Variants in NIFK observed in about 807,000 individuals in gnomAD.
NIFK encodes the protein MKI67 FHA domain-interacting nucleolar phosphoprotein.
NIFK carries 16 observed loss-of-function variants against 31.7 expected under a neutral mutation model. That is an observed-to-expected ratio of 0.50 (90% CI 0.34 to 0.77). NIFK has a LOEUF of 0.77. NIFK is among the 30% of genes least tolerant of loss of function. The pLI, the probability that NIFK is intolerant of heterozygous loss-of-function variation, is 0.01. For missense variants in NIFK, 341 were observed against 350.4 expected (o/e 0.97, Z 0.21); for synonymous variants, 126 against 123.0 (o/e 1.02, Z -0.16).
intron 2 of NIFK, among the ~76,000 whole-genome samples, chr2:121,732,852 G>A (rs1048106958): frequency 4.6e-5 from 7 of 152,010 alleles, no homozygotes; most frequent in Non-Finnish European, 7.4e-5. Context: ...GGAGGCCAAG[G>A]AGGGTGGATC....
At chr2:121,731,843 A>G (rs967665283) in intron 3 of NIFK, among the ~76,000 whole-genome samples, 1 of 152,218 alleles carries the variant, frequency 6.6e-6, no homozygotes, top group Non-Finnish European at 1.5e-5. Context: ...AGGATGGGTT[A>G]GCTGCTCCTC....
At chr2:121,734,177 T>C (rs1227787508) in intron 2 of NIFK, among the ~76,000 whole-genome samples, 2 of 151,794 alleles carry the variant, frequency 1.3e-5, no homozygotes, top group Non-Finnish European at 1.5e-5. Flanking sequence ...GTACCTGTAA[T>C]CCCAGCCACT....
intron 4 of NIFK, among the ~76,000 whole-genome samples, chr2:121,728,925 A>G (rs983711450): frequency 1.3e-5 from 2 of 152,212 alleles, no homozygotes; most frequent in Admixed American, 6.5e-5. Context: ...CAAATGGTTC[A>G]CAAGAGTACC....
chr2:121,730,997 T>C lies in NIFK; in HGVS notation c.460A>G (p.Thr154Ala). ...PSVKRYNRNR[T>A]LTQKLRMEER... ...TCCATCCGTAGCTTTTGTGTTAGTG[T>C]CCGATTCCGATTATACCGTTTCACT... is the stretch of plus-strand genomic sequence containing the variant. Residue 154 changes from threonine (T) to alanine (A), a missense_variant, in exon 4 of 7, where the codon ACA becomes GCA. Transcript: ENST00000285814. The C allele has an allele frequency of 6.2e-7, 1 of 1,612,410 alleles. No individual in the cohort carries two copies. Among genetic ancestry groups the C allele is most frequent in the Non-Finnish European group, 8.5e-7 (1 of 1,178,592 alleles).
chr2:121,734,805 A>C (rs1423446369), intron 2 of NIFK, among the ~76,000 whole-genome samples: 2 of 152,148 alleles, frequency 1.3e-5, no homozygotes, highest in African/African-American at 2.4e-5. Context: ...AAAAAAAGAA[A>C]ACTGAATTTG....
Position 121,736,863 on chromosome 2 carries a change from C to CT in NIFK, c.-14_-13insA, listed in dbSNP as rs1454921162. On this transcript the variant is annotated 5_prime_UTR_variant, in exon 1 of 7. Coordinates refer to ENST00000285814, the MANE Select transcript of NIFK (RefSeq NM_032390.5). ...AAAAAGTCGCCATGCCAAAAGCCGC[C>CT]GACGCTAACCACGCGGCGCTCCCGG... The CT allele has an allele frequency of 6.2e-7, 1 of 1,608,810 alleles. No homozygotes were observed. The highest frequency in any genetic ancestry group is 8.5e-7 in the Non-Finnish European group (1 of 1,175,412).
rs1375939123 is a variant in NIFK at position 121,736,750 on chromosome 2, G to C, written c.101C>G (p.Thr34Ser). Residue 34 changes from threonine (T) to serine (S), a missense_variant, in exon 1 of 7, where the codon ACC becomes AGC. Coordinates refer to ENST00000285814, the MANE Select transcript of NIFK (RefSeq NM_032390.5). ...KEVAQVRKRI[T>S]QRKKQEQLTP... The stretch of plus-strand genomic sequence containing the variant: ...TGGGCCAGGGTGCCTGCTCACCTGG[G>C]TTATGCGCTTGCGAACCTGCGCCAC... 3 of 1,613,476 alleles carry C rather than the reference G, an allele frequency of 1.9e-6. No homozygotes were observed. The highest frequency in any genetic ancestry group is 1.3e-5 in the African/African-American group (1 of 74,936).
At chr2:121,729,853 G>A (rs752507237) in intron 4 of NIFK, among the ~76,000 whole-genome samples, 9 of 152,166 alleles carry the variant, frequency 5.9e-5, no homozygotes, top group Non-Finnish European at 1.3e-4. Context: ...TTCCTCTTCT[G>A]TATAATAGAA....
intron 1 of NIFK, among the ~76,000 whole-genome samples, chr2:121,736,027 T>C (rs2074576959): frequency 6.6e-6 from 1 of 152,244 alleles, no homozygotes; most frequent in South Asian, 2.1e-4. Flanking sequence ...ACAAGCCATT[T>C]TAGATCTTCT....
At chr2:121,733,649 C>A (rs1228229244) in intron 2 of NIFK, among the ~76,000 whole-genome samples, 2 of 152,062 alleles carry the variant, frequency 1.3e-5, no homozygotes, top group East Asian at 1.9e-4. Flanking sequence ...CCACTGCACT[C>A]CAGCCCGGGC....
chr2:121,732,425 G>A (rs2074548116), intron 2 of NIFK, among the ~76,000 whole-genome samples: 1 of 152,072 alleles, frequency 6.6e-6, no homozygotes, highest in South Asian at 2.1e-4. Flanking sequence ...GGTATTCTTG[G>A]GATTTTGGTT....
At chr2:121,731,250 G>T in intron 3 of NIFK, 146 bp from the exon 4 acceptor site, 1 of 592,510 alleles carries the variant, frequency 1.7e-6, no homozygotes, top group Non-Finnish European at 3.0e-6. Context: ...AATGCGAAGT[G>T]AATAGAGAGA....
intron 4 of NIFK, among the ~76,000 whole-genome samples, chr2:121,728,829 G>C (rs1268115790): frequency 6.6e-6 from 1 of 152,134 alleles, no homozygotes; most frequent in Non-Finnish European, 1.5e-5. Flanking sequence ...TGCAAAGGCA[G>C]GCCACCCCCA....
Position 121,736,862 on chromosome 2 carries a change from C to A in NIFK, c.-12G>T. 1 of 1,608,964 alleles carries A rather than the reference C, an allele frequency of 6.2e-7. No individual in the cohort carries two copies. The highest frequency in any genetic ancestry group is 8.5e-7 in the Non-Finnish European group (1 of 1,175,544). ...GAAAAAGTCGCCATGCCAAAAGCCGCCGACGCTAACCACGCGGCGCTCCCG... is the reference window on the plus strand; with the variant it reads ...GAAAAAGTCGCCATGCCAAAAGCCGACGACGCTAACCACGCGGCGCTCCCG... On this transcript the variant is annotated 5_prime_UTR_variant, in exon 1 of 7. Transcript: ENST00000285814.
intron 2 of NIFK, 129 bp downstream of exon 2, chr2:121,735,484 A>C (rs2074572352): frequency 2.0e-6 from 2 of 1,006,894 alleles, no homozygotes; most frequent in Non-Finnish European, 3.0e-6. Flanking sequence ...TCAGATTCTA[A>C]ACCTCCTCCA....
At position 121,727,781 on chromosome 2, in the gene NIFK, T is replaced by C. The variant is rs150260356; in HGVS notation, c.825A>G (p.Gln275=). 1.2e-5 allele frequency: 20 copies of C among 1,608,594 alleles called. No individual in the cohort carries two copies. Among genetic ancestry groups the C allele is most frequent in the South Asian group, 7.9e-5 (7 of 88,816 alleles). The change falls in exon 7 of 7, where the codon CAA becomes CAG. Residue 275 remains glutamine (Q), a synonymous_variant. Coordinates refer to ENST00000285814, the MANE Select transcript of NIFK (RefSeq NM_032390.5). ...GTGAATGTGTAGGTGTTTGAGTCTC[T>C]TGTATTTCTTCTTTTACACAGGATA... The part of the protein sequence containing the change: ...QPISCVKEEI[Q]ETQTPTHSRK...
At chr2:121,735,420 G>T (rs2074571989) in intron 2 of NIFK, among the ~76,000 whole-genome samples, 193 bp downstream of exon 2, 1 of 152,232 alleles carries the variant, frequency 6.6e-6, no homozygotes, top group Non-Finnish European at 1.5e-5. Flanking sequence ...AGGATTTGGA[G>T]AAATGTAAAA....
chr2:121,727,935 A>G (rs756209742), intron 6 of NIFK, 23 bp from the exon 7 acceptor site: 1 of 1,561,370 alleles, frequency 6.4e-7, no homozygotes, highest in African/African-American at 1.4e-5. Context: ...AGTAAAGATT[A>G]TAATACATAA....
intron 3 of NIFK, among the ~76,000 whole-genome samples, chr2:121,731,795 C>T (rs1034841548): frequency 3.3e-5 from 5 of 152,204 alleles, no homozygotes; most frequent in African/African-American, 1.2e-4. Context: ...GTTTCAATGT[C>T]AACTATACTT....
Sources: gnomAD v4.1 joint callset for allele counts (sites outside exome capture counted in the v4.1 genomes callset) on GRCh38, gnomAD v4.1.1 for gene constraint, MANE v1.5 for transcripts, NCBI Gene and HGNC (gene_info 2026-07-23, HGNC 2026-07-21) for gene names.